The following PUDP variants were observed in gnomAD, a reference collection of about 807,000 sequenced individuals.
PUDP encodes the protein pseudouridine 5'-phosphatase.
PUDP carries 8 observed loss-of-function variants against 9.4 expected under a neutral mutation model. That is an observed-to-expected ratio of 0.85 (90% confidence interval 0.50 to 1.53). PUDP has a LOEUF of 1.53. Among genes scored for constraint, PUDP ranks in the 40% most tolerant of loss-of-function variants. PUDP has a pLI of 0.00. For synonymous variants in PUDP, 99 were observed against 80.7 expected, an observed-to-expected ratio of 1.23 and a Z score of -1.22; for missense variants, 188 against 189.7, an observed-to-expected ratio of 0.99 and a Z score of 0.05.
At chrX:6,931,757 T>TGCAGTACCGGGAGGAC (rs752013414) in intron 3 of PUDP, among the ~76,000 whole-genome samples, 85 of 111,321 alleles carry the variant, frequency 7.6e-4, no homozygotes, top group Non-Finnish European at 1.2e-3. Context: ...ACATCCAGAC[T>TGCAGTACCGGGAGGAC]GCAGTACCGG....
chrX:6,907,575 G>C (rs906623533), intron 3 of PUDP, among the ~76,000 whole-genome samples: 2 of 111,833 alleles, frequency 1.8e-5, no homozygotes, highest in African/African-American at 3.3e-5. Flanking sequence ...AGAAAGCCCT[G>C]TTTTGTCTTC....
At chrX:6,760,053 T>C (rs1925212980) in intron 3 of PUDP, among the ~76,000 whole-genome samples, 1 of 112,237 alleles carries the variant, frequency 8.9e-6, no homozygotes, top group Non-Finnish European at 1.9e-5. Flanking sequence ...AGGTTTTTTT[T>C]CTTTAATGTG....
chrX:6,882,045 C>T (rs2146740438), intron 3 of PUDP, among the ~76,000 whole-genome samples: 1 of 103,165 alleles, frequency 9.7e-6, no homozygotes, highest in Admixed American at 1.1e-4. Flanking sequence ...ACGATCTCGG[C>T]TCACTGCAAC....
chrX:7,041,233 C>T (rs1929918006), intron 1 of PUDP, among the ~76,000 whole-genome samples: 1 of 111,538 alleles, frequency 9.0e-6, no homozygotes, highest in Admixed American at 9.5e-5. Context: ...ATCTGAAGTA[C>T]TTTTCAAATG....
intron 3 of PUDP, among the ~76,000 whole-genome samples, chrX:6,887,167 A>G (rs1239902602): frequency 9.5e-6 from 1 of 104,765 alleles, no homozygotes; most frequent in Admixed American, 1.1e-4. Context: ...TAATTTATTT[A>G]TAATTAAATA....
At position 7,074,966 on chromosome X, in the gene PUDP, G is replaced by C. The variant is rs748603600; in HGVS notation, c.510+2254C>G. Among the ~76,000 whole-genome samples the C allele has an allele frequency of 1.6e-3, 185 of 112,214 alleles. 1 individual carries two copies. Among genetic ancestry groups the C allele is most frequent in the African/African-American group, 6.0e-3 (185 of 30,874 alleles). On this transcript the variant is annotated intron_variant, in intron 3 of 3. Coordinates refer to ENST00000381077, the MANE Select transcript of PUDP (RefSeq NM_012080.5). The stretch of plus-strand genomic sequence containing the variant: ...CAATAATGAGACTTAAATCAAGAAT[G>C]AGATTTCAATCAGCCCAGGTATGTG...
intron 3 of PUDP, among the ~76,000 whole-genome samples, chrX:6,780,560 A>G (rs1020940670): frequency 1.8e-5 from 2 of 111,766 alleles, no homozygotes; most frequent in Non-Finnish European, 3.8e-5. Context: ...ACAAATGATC[A>G]TCCCTCAGAA....
chrX:7,050,422 A>AG lies in PUDP; in HGVS notation c.560dup (p.Gly188TrpfsTer9). 8.3e-7 allele frequency: 1 copy of AG among 1,211,456 alleles called. No individual in the cohort carries two copies. The highest frequency in any genetic ancestry group is 1.1e-6 in the Non-Finnish European group (1 of 895,129). On this transcript the variant is annotated frameshift_variant, in exon 4 of 4. Transcript: ENST00000381077. LOFTEE classifies it low-confidence loss of function (END_TRUNC). ...CAGGAACCATGACCACCTGCATCCC[A>AG]GCTGCCAGGGCCGCCTCCACCCCAT...
chrX:6,891,179 G>A (rs1303107904), intron 3 of PUDP, among the ~76,000 whole-genome samples: 1 of 111,178 alleles, frequency 9.0e-6, no homozygotes, highest in Non-Finnish European at 1.9e-5. Flanking sequence ...TTGATCAGTT[G>A]ATGAAAATGT....
At chrX:6,753,028 A>T (rs1925123370) in intron 3 of PUDP, among the ~76,000 whole-genome samples, 1 of 110,915 alleles carries the variant, frequency 9.0e-6, no homozygotes. Context: ...CTAGACATTT[A>T]TTACCTCTTT....
chrX:6,811,969 A>C (rs1926151750), intron 3 of PUDP, among the ~76,000 whole-genome samples: 1 of 112,618 alleles, frequency 8.9e-6, no homozygotes, highest in Non-Finnish European at 1.9e-5. Flanking sequence ...TCAGAGGGAA[A>C]GAGAAAATAG....
chrX:6,938,495 AG>A (rs1299690514), intron 3 of PUDP, among the ~76,000 whole-genome samples: 9 of 65,561 alleles, frequency 1.4e-4, no homozygotes, highest in Non-Finnish European at 1.4e-4. Context: ...GGGTCGGGGG[AG>A]GGGGGAGGGA....
At chrX:6,860,828 T>C (rs1926991298) in intron 3 of PUDP, among the ~76,000 whole-genome samples, 2 of 112,326 alleles carry the variant, frequency 1.8e-5, no homozygotes, top group South Asian at 7.3e-4. Context: ...TAATGTGTTA[T>C]CCAAACTCAA....
chrX:6,849,122 C>T (rs1171595994), intron 3 of PUDP, among the ~76,000 whole-genome samples: 2 of 111,309 alleles, frequency 1.8e-5, no homozygotes, highest in Non-Finnish European at 3.8e-5. Flanking sequence ...GTGGTAGACC[C>T]GCACGTCAGT....
At chrX:6,938,540 G>A (rs1242525962) in intron 3 of PUDP, among the ~76,000 whole-genome samples, 3 of 93,388 alleles carry the variant, frequency 3.2e-5, no homozygotes, top group African/African-American at 1.2e-4. Context: ...GCTAGATGAC[G>A]AGTTAGTGGG....
At chrX:6,841,045 G>A (rs1439189100) in intron 3 of PUDP, among the ~76,000 whole-genome samples, 1 of 111,835 alleles carries the variant, frequency 8.9e-6, no homozygotes, top group Non-Finnish European at 1.9e-5. Flanking sequence ...TTGGGAGGCC[G>A]AGGTGGGTGG....
chrX:6,785,310 T>C (rs1212277668), intron 3 of PUDP, among the ~76,000 whole-genome samples: 2 of 112,546 alleles, frequency 1.8e-5, no homozygotes, highest in Non-Finnish European at 3.7e-5. Flanking sequence ...ATCTGTGATT[T>C]TATTTTGTTT....
rs558761314 is a variant in PUDP at position 6,867,970 on chromosome X, C to T, written c.*247+109163G>A. 6.0e-4 allele frequency among the ~76,000 whole-genome samples: 67 copies of T among 111,345 alleles called. No homozygotes were observed. In the South Asian group the frequency reaches 0.025, roughly 42 times the overall value. On this transcript the variant is annotated intron_variant and NMD_transcript_variant, in intron 3 of 3. Coordinates refer to the PUDP transcript ENST00000655425. ...CAAAGCCACTCTCAGGATACCTAACCCAATCTCATTTATAAGGACAACATG... is the reference window on the plus strand; with the variant it reads ...CAAAGCCACTCTCAGGATACCTAACTCAATCTCATTTATAAGGACAACATG...
chrX:6,752,965 T>C (rs1476513200), intron 3 of PUDP, among the ~76,000 whole-genome samples: 1 of 111,658 alleles, frequency 9.0e-6, no homozygotes, highest in Non-Finnish European at 1.9e-5. Context: ...ATACACAAAA[T>C]TTGTAACTGA....
Sources: gnomAD v4.1 joint callset for allele counts (sites outside exome capture counted in the v4.1 genomes callset) on GRCh38, gnomAD v4.1.1 for gene constraint, MANE v1.5 for transcripts, NCBI Gene and HGNC (gene_info 2026-07-23, HGNC 2026-07-21) for gene names.